BMP5: variants seen among roughly 807,000 people sequenced by gnomAD.
BMP5 encodes the protein bone morphogenetic protein 5.
In BMP5, 23 loss-of-function variants were observed where a neutral mutation model predicts 46.6. That is an observed-to-expected ratio of 0.49 (90% confidence interval 0.35 to 0.70). The LOEUF is 0.70. Ranked by LOEUF, BMP5 falls within the 30% of genes least tolerant of loss-of-function variation. The probability of loss-of-function intolerance (pLI) is 0.00; values close to 1 mark genes in which losing one functional copy is unlikely to be tolerated. For missense variants in BMP5, 545 were observed against 565.6 expected (o/e 0.96, Z 0.37); for synonymous variants, 204 against 191.9 (o/e 1.06, Z -0.52).
intron 6 of BMP5, 137 bp from the exon 7 acceptor site, chr6:55,755,819 G>C: frequency 6.0e-6 from 5 of 833,050 alleles, no homozygotes; most frequent in Non-Finnish European, 9.7e-6. Flanking sequence ...TTTATTCCAT[G>C]ACTGGGGTGG....
At chr6:55,858,464 C>A (rs546233230) in intron 1 of BMP5, among the ~76,000 whole-genome samples, 1 of 151,994 alleles carries the variant, frequency 6.6e-6, no homozygotes, top group African/African-American at 2.4e-5. Flanking sequence ...TAAGCATAAG[C>A]TGCAAACTTA....
At chr6:55,760,181 C>G (rs1372376523) in intron 5 of BMP5, among the ~76,000 whole-genome samples, 1 of 151,944 alleles carries the variant, frequency 6.6e-6, no homozygotes, top group African/African-American at 2.4e-5. Flanking sequence ...GTTTGGAATA[C>G]TTAAACAACG....
rs1774533995 is a variant in BMP5 at position 55,754,632 on chromosome 6, T to C, written c.*901A>G. ...ATGGTTCTTTCGGCATCTTCTGCTC[T>C]TGTACATTTTACGCATGCAGTGACT... On this transcript the variant is annotated 3_prime_UTR_variant, in exon 7 of 7. Coordinates refer to ENST00000370830, the MANE Select transcript of BMP5 (RefSeq NM_021073.4). The C allele has an allele frequency of 1.3e-5, 2 of 151,960 alleles. No homozygotes were observed. The highest frequency in any genetic ancestry group is 4.8e-5 in the African/African-American group (2 of 41,426). 9.4% of individuals were successfully genotyped at this position (151,960 alleles called of 1,614,324 possible).
intron 1 of BMP5, among the ~76,000 whole-genome samples, chr6:55,861,291 TG>T (rs1182584999): frequency 6.6e-6 from 1 of 152,242 alleles, no homozygotes; most frequent in Non-Finnish European, 1.5e-5. Flanking sequence ...CTTAGCAGCA[TG>T]GCAGCCCTGC....
At chr6:55,827,891 CAACTT>C (rs1270113941) in intron 1 of BMP5, among the ~76,000 whole-genome samples, 2 of 151,752 alleles carry the variant, frequency 1.3e-5, no homozygotes, top group African/African-American at 2.4e-5. Flanking sequence ...TTACCTGTAA[CAACTT>C]AAAATAAAGG....
At chr6:55,794,448 A>G (rs1425687980) in intron 2 of BMP5, 21 bp from the exon 3 acceptor site, 5 of 1,611,192 alleles carry the variant, frequency 3.1e-6, no homozygotes, top group Non-Finnish European at 4.2e-6. Context: ...AAGGAACAAC[A>G]AAAAAAGTTA....
chr6:55,792,195 T>C lies in BMP5; in HGVS notation c.832+2084A>G, dbSNP rs530104057. Among the ~76,000 whole-genome samples, 232 of 152,308 alleles carry C rather than the reference T, an allele frequency of 1.5e-3. 1 individual carries two copies. Among genetic ancestry groups the C allele is most frequent in the Non-Finnish European group, 2.7e-3 (183 of 68,028 alleles). On this transcript the variant is annotated intron_variant, in intron 3 of 6. Coordinates refer to ENST00000370830, the MANE Select transcript of BMP5 (RefSeq NM_021073.4). ...TGAGAGCATAGGGAAGGTCTGAACC[T>C]TTGCCTATAATACTTTCAGTAAGAA...
At position 55,774,084 on chromosome 6, in the gene BMP5, G is replaced by A; in HGVS notation, c.992C>T (p.Ser331Phe). Reference protein sequence around the residue: ...RKNQNRNKSSSHQDSSRMSSV... With the variant: ...RKNQNRNKSSFHQDSSRMSSV... ...GGACATTCTGGAGGAGTCCTGATGA[G>A]AGCTGGATTTATTGCGGTTTTGATT... is the stretch of plus-strand genomic sequence containing the variant. Residue 331 changes from serine (S) to phenylalanine (F), a missense_variant, in exon 4 of 7, where the codon TCT becomes TTT. Transcript: ENST00000370830. 1 of 1,612,864 alleles carries A rather than the reference G, an allele frequency of 6.2e-7. No individual in the cohort carries two copies. Among genetic ancestry groups the A allele is most frequent in the Non-Finnish European group, 8.5e-7 (1 of 1,179,334 alleles).
chr6:55,788,403 C>T (rs987765299), intron 3 of BMP5, among the ~76,000 whole-genome samples: 2 of 151,772 alleles, frequency 1.3e-5, no homozygotes, highest in Non-Finnish European at 3.0e-5. Flanking sequence ...AGCTTAATAA[C>T]ATAACTGCCT....
chr6:55,869,424 G>A (rs983852983), intron 1 of BMP5, among the ~76,000 whole-genome samples: 3 of 151,456 alleles, frequency 2.0e-5, no homozygotes, highest in African/African-American at 7.3e-5. Context: ...CCTTATTCCT[G>A]TATGCCTCTA....
chr6:55,824,636 C>CT (rs1244953766), intron 1 of BMP5, among the ~76,000 whole-genome samples: 1 of 151,876 alleles, frequency 6.6e-6, no homozygotes, highest in African/African-American at 2.4e-5. Flanking sequence ...GGGGTTAATG[C>CT]TTTTTTTCCT....
rs181921790 is a variant in BMP5, at chr6:55,825,939, T to A, written c.491-6092A>T. Among the ~76,000 whole-genome samples, 8 of 151,834 alleles carry A rather than the reference T, an allele frequency of 5.3e-5. No homozygotes were observed. In the East Asian group the frequency reaches 1.5e-3, roughly 29 times the overall value. ...ATTGTTTGCTGCTGAGTGCAAAAAA[T>A]CATTAAGAGATTACTCATAGAATTA... On this transcript the variant is annotated intron_variant, in intron 1 of 6. Coordinates refer to ENST00000370830, the MANE Select transcript of BMP5 (RefSeq NM_021073.4).
At chr6:55,871,864 A>G (rs997453833) in intron 1 of BMP5, among the ~76,000 whole-genome samples, 4 of 151,724 alleles carry the variant, frequency 2.6e-5, no homozygotes, top group Non-Finnish European at 5.9e-5. Context: ...CTCAATACAA[A>G]TCCCTTGCCT....
Position 55,774,182 on chromosome 6 carries a change from T to C in BMP5, c.894A>G (p.Gln298=), listed in dbSNP as rs80225326. Reference sequence around the variant, plus strand: ...CCTTGAAGAAGGCCACCATGAATGGTTGTTTTGACTGAGGTCCCTGTCTTC... The same window carrying C: ...CCTTGAAGAAGGCCACCATGAATGGCTGTTTTGACTGAGGTCCCTGTCTTC... ...LVGRQGPQSK[Q]PFMVAFFKAS... Residue 298 remains glutamine (Q), a synonymous_variant, in exon 4 of 7, where the codon CAA becomes CAG. Transcript: ENST00000370830. The C allele has an allele frequency of 9.4e-4, 1,517 of 1,613,070 alleles. 9 individuals carry two copies. Among genetic ancestry groups the C allele is most frequent in the Non-Finnish European group, 4.2e-4 (499 of 1,179,368 alleles).
intron 1 of BMP5, among the ~76,000 whole-genome samples, chr6:55,854,274 C>T (rs1391653328): frequency 1.3e-5 from 2 of 151,870 alleles, no homozygotes; most frequent in African/African-American, 4.8e-5. Flanking sequence ...TGATACTAAA[C>T]AAAATATATA....
chr6:55,841,186 T>C (rs1316396037), intron 1 of BMP5, among the ~76,000 whole-genome samples: 1 of 152,198 alleles, frequency 6.6e-6, no homozygotes, highest in African/African-American at 2.4e-5. Flanking sequence ...AAAAATTGTC[T>C]TCCTCAAAAC....
intron 1 of BMP5, among the ~76,000 whole-genome samples, chr6:55,865,255 T>C (rs1003376361): frequency 1.3e-5 from 2 of 152,178 alleles, no homozygotes; most frequent in African/African-American, 2.4e-5. Context: ...GGGTTCTTTA[T>C]AGACTGTCCA....
At chr6:55,777,832 T>C (rs1464933479) in intron 3 of BMP5, among the ~76,000 whole-genome samples, 6 of 151,662 alleles carry the variant, frequency 4.0e-5, no homozygotes, top group Non-Finnish European at 7.4e-5. Flanking sequence ...AATACATCCC[T>C]TTTACCCAAA....
At chr6:55,793,475 C>T (rs1775622249) in intron 3 of BMP5, among the ~76,000 whole-genome samples, 1 of 152,178 alleles carries the variant, frequency 6.6e-6, no homozygotes, top group African/African-American at 2.4e-5. Flanking sequence ...TTTTATATCT[C>T]CAGAATCTCA....
Sources: allele counts gnomAD v4.1 joint callset (sites outside exome capture counted in the v4.1 genomes callset), GRCh38; gene constraint gnomAD v4.1.1; transcripts MANE v1.5; gene names NCBI Gene and HGNC (gene_info 2026-07-23, HGNC 2026-07-21).